Variants in DENND5B observed in about 807,000 individuals in gnomAD.
DENND5B encodes the protein DENN domain containing 5B.
In DENND5B, 34 loss-of-function variants were observed where a neutral mutation model predicts 140.6. The ratio of observed to expected loss-of-function variants is 0.24; its 90% confidence interval spans 0.18 to 0.32. The LOEUF (loss-of-function observed/expected upper bound fraction) is 0.32. DENND5B is among the 10% of genes least tolerant of loss of function. The pLI is 1.00. For missense variants in DENND5B, 1,142 were observed against 1,560.2 expected (o/e 0.73, Z 4.52); for synonymous variants, 551 against 562.1 (o/e 0.98, Z 0.28).
At chr12:31,519,895 T>C (rs1357097540) in intron 1 of DENND5B, among the ~76,000 whole-genome samples, 1 of 152,208 alleles carries the variant, frequency 6.6e-6, no homozygotes, top group Non-Finnish European at 1.5e-5. Flanking sequence ...TATCTAATTT[T>C]AGAACATTTT....
intron 1 of DENND5B, among the ~76,000 whole-genome samples, chr12:31,557,732 G>C (rs1013784204): frequency 6.7e-6 from 1 of 148,598 alleles, no homozygotes; most frequent in African/African-American, 2.5e-5. Flanking sequence ...TAGGGAAAAG[G>C]AGAAGAGAGA....
rs74459708 is a variant in DENND5B at position 31,473,744 on chromosome 12, T to C, written c.904+5845A>G. 9.6e-3 allele frequency among the ~76,000 whole-genome samples: 1,469 copies of C among 152,320 alleles called. 27 individuals are homozygous for C. The highest frequency in any genetic ancestry group is 0.033 in the African/African-American group (1,392 of 41,574). On this transcript the variant is annotated intron_variant, in intron 3 of 20. Coordinates refer to ENST00000389082, the MANE Select transcript of DENND5B (RefSeq NM_144973.4). ...GCTGAAACTTGAAATATCCACGGTA[T>C]CTAAGGCGATTTTGGAAAAACACTC... is the stretch of plus-strand genomic sequence containing the variant.
chr12:31,399,272 ATTC>A (rs1371261524), intron 16 of DENND5B, among the ~76,000 whole-genome samples: 226 of 133,618 alleles, frequency 1.7e-3, no homozygotes, highest in African/African-American at 5.6e-3. Flanking sequence ...AGTTCAAACA[ATTC>A]TTTTTTTTTT....
intron 14 of DENND5B, among the ~76,000 whole-genome samples, chr12:31,405,278 C>T (rs982341316): frequency 6.6e-6 from 1 of 151,514 alleles, no homozygotes; most frequent in East Asian, 1.9e-4. Context: ...TGCAGTGGCA[C>T]GATCTCAAGC....
At chr12:31,443,098 A>G (rs1944116571) in intron 6 of DENND5B, among the ~76,000 whole-genome samples, 173 bp from the exon 7 acceptor site, 1 of 152,164 alleles carries the variant, frequency 6.6e-6, no homozygotes, top group Non-Finnish European at 1.5e-5. Flanking sequence ...GTTTTGAGAC[A>G]GAGTTTCACT....
At chr12:31,531,604 G>C (rs890291920) in intron 1 of DENND5B, among the ~76,000 whole-genome samples, 4 of 152,090 alleles carry the variant, frequency 2.6e-5, no homozygotes, top group South Asian at 2.1e-4. Context: ...GTTTACTTTA[G>C]GGTTTGAGTC....
chr12:31,536,737 G>A (rs529895577), intron 1 of DENND5B, among the ~76,000 whole-genome samples: 1 of 152,114 alleles, frequency 6.6e-6, no homozygotes, highest in South Asian at 2.1e-4. Flanking sequence ...GAAGATTACA[G>A]AACACCAAGC....
chr12:31,483,865 C>CTT (rs200066618), intron 2 of DENND5B, among the ~76,000 whole-genome samples: 10 of 129,406 alleles, frequency 7.7e-5, no homozygotes, highest in South Asian at 2.5e-4. Context: ...CTTTTCTTTT[C>CTT]TTTTTTTTTT....
chr12:31,507,555 T>C (rs891267845), intron 1 of DENND5B, among the ~76,000 whole-genome samples: 2 of 152,186 alleles, frequency 1.3e-5, no homozygotes, highest in African/African-American at 4.8e-5. Context: ...AGTTCTCTGA[T>C]AATAAGGAAT....
intron 14 of DENND5B, among the ~76,000 whole-genome samples, chr12:31,408,524 G>C (rs1040729305): frequency 2.7e-5 from 4 of 150,500 alleles, no homozygotes; most frequent in African/African-American, 9.8e-5. Context: ...CTACTCAGGA[G>C]GCTGAGGCAC....
intron 6 of DENND5B, 66 bp downstream of exon 6, chr12:31,447,472 C>T (rs1944323500): frequency 1.4e-6 from 2 of 1,396,682 alleles, no homozygotes. Flanking sequence ...GTACGTAAGG[C>T]CAGCAATTTG....
intron 1 of DENND5B, among the ~76,000 whole-genome samples, chr12:31,588,638 AAC>A (rs1950488148): frequency 6.6e-6 from 1 of 152,228 alleles, no homozygotes; most frequent in East Asian, 1.9e-4. Context: ...CAAATGCTAC[AAC>A]ATTTTATTAT....
intron 1 of DENND5B, among the ~76,000 whole-genome samples, chr12:31,526,528 CATAA>C (rs1259006686): frequency 1.3e-5 from 2 of 152,124 alleles, no homozygotes; most frequent in Non-Finnish European, 2.9e-5. Flanking sequence ...AATGCTGAGG[CATAA>C]ATAAATAAAA....
intron 1 of DENND5B, among the ~76,000 whole-genome samples, chr12:31,508,605 A>C (rs1286361664): frequency 1.3e-5 from 2 of 152,228 alleles, no homozygotes; most frequent in Non-Finnish European, 2.9e-5. Flanking sequence ...CAGAAGTCTC[A>C]TTATTCTAAC....
intron 19 of DENND5B, 47 bp downstream of exon 19, chr12:31,392,220 A>C: frequency 6.2e-7 from 1 of 1,606,252 alleles, no homozygotes; most frequent in Non-Finnish European, 8.5e-7. Context: ...TGAGTTCCTA[A>C]GAAAGGCTTC....
rs1371902245 is a variant in DENND5B at position 31,590,874 on chromosome 12, G to A, written c.-42C>T. The A allele has an allele frequency of 2.5e-6, 3 of 1,188,456 alleles. No homozygotes were observed. Among genetic ancestry groups the A allele is most frequent in the East Asian group, 3.8e-5 (1 of 26,562 alleles). 73.6% of individuals were successfully genotyped at this position (1,188,456 alleles called of 1,614,324 possible). A position where few individuals can be genotyped will look rare whatever the true frequency, so the allele number is the denominator to read the frequency against. ...CAGGGGCCGCCGCCGCCGCCGCCCG[G>A]GAAGGCTTTCTGCGGAGGCTGCCAC... On this transcript the variant is annotated 5_prime_UTR_variant, in exon 1 of 21. Transcript: ENST00000389082.
At chr12:31,448,017 T>G (rs1304202924) in intron 5 of DENND5B, among the ~76,000 whole-genome samples, 3 of 152,146 alleles carry the variant, frequency 2.0e-5, no homozygotes, top group African/African-American at 7.2e-5. Flanking sequence ...ATGACCATTA[T>G]GTAGCAAAGA....
At chr12:31,400,364 T>C (rs1331681504) in intron 15 of DENND5B, among the ~76,000 whole-genome samples, 1 of 148,772 alleles carries the variant, frequency 6.7e-6, no homozygotes, top group East Asian at 2.0e-4. Context: ...TTTGAAGCTA[T>C]TTTTTAAAAG....
At chr12:31,494,184 C>CTAT (rs1262485466) in intron 2 of DENND5B, among the ~76,000 whole-genome samples, 3,838 of 59,138 alleles carry the variant, frequency 0.065, 68 homozygotes, top group African/African-American at 0.11. Flanking sequence ...ATCTATCTAT[C>CTAT]CATCCATCCA....
Sources: gnomAD v4.1 joint callset for allele counts (sites outside exome capture counted in the v4.1 genomes callset) on GRCh38, gnomAD v4.1.1 for gene constraint, MANE v1.5 for transcripts, NCBI Gene and HGNC (gene_info 2026-07-23, HGNC 2026-07-21) for gene names.